The following MED31 variants were observed in gnomAD, a reference collection of about 807,000 sequenced individuals.
The protein encoded by MED31 is mediator complex subunit 31, also known as mediator of RNA polymerase II transcription subunit 31.
MED31 carries 11 observed loss-of-function variants against 22.0 expected under a neutral mutation model. The observed-to-expected ratio is 0.50, with a 90% CI of 0.31 to 0.83. The LOEUF (loss-of-function observed/expected upper bound fraction) is 0.83, where lower values mean the gene tolerates loss of function less well. Ranked by LOEUF, MED31 falls within the 40% of genes least tolerant of loss-of-function variation. MED31 has a pLI of 0.04. For synonymous variants in MED31, 60 were observed against 55.1 expected, an observed-to-expected ratio of 1.09 and a Z score of -0.40; for missense variants, 122 against 155.3, an observed-to-expected ratio of 0.79 and a Z score of 1.14.
rs200042858 is a variant in MED31, at chr17:6,644,642, T to C, written c.221A>G (p.His74Arg). The change falls in exon 4 of 4, where the codon CAC (histidine) becomes CGC (arginine). Residue 74 changes from histidine (H) to arginine (R), a missense_variant. Transcript: ENST00000225728. Reference sequence around the variant, plus strand: ...TTCATATTGGAGCAGCTCTAACATGTGTAAACACTGAGGGTACCTGGGTTT... The same window carrying C: ...TTCATATTGGAGCAGCTCTAACATGCGTAAACACTGAGGGTACCTGGGTTT... ...AKYLKYPQCL[H>R]MLELLQYEHF... is the part of the protein sequence containing the mutation. 6.6e-5 allele frequency: 105 copies of C among 1,587,612 alleles called. No individual in the cohort carries two copies. The highest frequency in any genetic ancestry group is 8.2e-5 in the Non-Finnish European group (96 of 1,169,564).
chr17:6,645,337 A>G (rs919557997), intron 3 of MED31, among the ~76,000 whole-genome samples: 1 of 152,238 alleles, frequency 6.6e-6, no homozygotes, highest in African/African-American at 2.4e-5. Flanking sequence ...GTGTGCATGT[A>G]TACACATACA....
At chr17:6,648,692 G>C (rs1972792110) in intron 3 of MED31, among the ~76,000 whole-genome samples, 1 of 152,246 alleles carries the variant, frequency 6.6e-6, no homozygotes, top group Non-Finnish European at 1.5e-5. Context: ...TTGTCCTCAA[G>C]AGGGTATAGA....
In MED31 at chr17:6,650,532, T is replaced by G. The variant is rs1326346753; in HGVS notation, c.29-99A>C. The G allele has an allele frequency of 4.7e-6, 5 of 1,059,376 alleles. No homozygotes were observed. The African/African-American group carries it at 8.0e-5, about 17-fold the overall frequency. 65.6% of individuals were successfully genotyped at this position (1,059,376 alleles called of 1,614,324 possible). A position where few individuals can be genotyped will look rare whatever the true frequency, so the allele number is the denominator to read the frequency against. ...AGCAATAAAGAAACCTGACTAATGT[T>G]GAGATGGTCTTCCTAAACTAGGAGT... On this transcript the variant is annotated intron_variant, in intron 1 of 3. Coordinates refer to ENST00000225728, the MANE Select transcript of MED31 (RefSeq NM_016060.3).
Position 6,651,504 on chromosome 17 carries a change from T to C in MED31, c.25A>G (p.Thr9Ala). The C allele has an allele frequency of 1.9e-6, 3 of 1,614,062 alleles. No individual in the cohort carries two copies. The highest frequency in any genetic ancestry group is 2.5e-6 in the Non-Finnish European group (3 of 1,180,004). MAAAVAMETDDAGNRLRFQ... is the reference protein window; with the variant it reads MAAAVAMEADDAGNRLRFQ... ...CCAAGATCAGAGAGCTACTCACCTG[T>C]CTCCATAGCGACAGCAGCGGCCATA... Residue 9 changes from threonine (T) to alanine (A), a missense_variant, in exon 1 of 4, where the codon ACA (threonine) becomes GCA (alanine). Coordinates refer to ENST00000225728, the MANE Select transcript of MED31 (RefSeq NM_016060.3).
At position 6,651,327 on chromosome 17, in the gene MED31, T is replaced by C. The variant is rs142725320; in HGVS notation, c.28+174A>G. The C allele has an allele frequency of 1.3e-4, 114 of 904,248 alleles. No homozygotes were observed. The African/African-American group carries it at 1.8e-3, about 14-fold the overall frequency. 56.0% of individuals were successfully genotyped at this position (904,248 alleles called of 1,614,324 possible). On this transcript the variant is annotated intron_variant, in intron 1 of 3. Transcript: ENST00000225728. The stretch of plus-strand genomic sequence containing the variant: ...AGCAAAGATGTGCGAACAAACCAAA[T>C]CAGGAAAACTGCAAAGAGTACCTTA...
At chr17:6,649,948 T>C (rs773369962) in intron 3 of MED31, 34 bp downstream of exon 3, 5 of 1,541,350 alleles carry the variant, frequency 3.2e-6, no homozygotes, top group Admixed American at 4.5e-5. Flanking sequence ...TAATAAAGTA[T>C]ACACATGCTT....
intron 3 of MED31, among the ~76,000 whole-genome samples, chr17:6,647,727 C>G (rs1230536335): frequency 6.6e-6 from 1 of 152,248 alleles, no homozygotes. Context: ...AACTCCCTTT[C>G]ATGACAGCAT....
At chr17:6,650,777 T>C (rs1354974424) in intron 1 of MED31, among the ~76,000 whole-genome samples, 1 of 152,156 alleles carries the variant, frequency 6.6e-6, no homozygotes, top group East Asian at 1.9e-4. Flanking sequence ...TAATGCGTTG[T>C]AACAACTGTT....
chr17:6,647,309 A>G (rs1211110587), intron 3 of MED31, among the ~76,000 whole-genome samples: 1 of 152,150 alleles, frequency 6.6e-6, no homozygotes, highest in African/African-American at 2.4e-5. Context: ...TCATTCTTTC[A>G]TCTCCACCTG....
intron 1 of MED31, 29 bp from the exon 2 acceptor site, chr17:6,650,462 A>C (rs766066805): frequency 5.6e-6 from 9 of 1,600,344 alleles, no homozygotes; most frequent in Non-Finnish European, 7.7e-6. Flanking sequence ...AAAATCATGG[A>C]AAACAAAGGT....
intron 1 of MED31, 25 bp downstream of exon 1, chr17:6,651,476 A>C: frequency 6.2e-7 from 1 of 1,613,948 alleles, no homozygotes. Context: ...ATCTGCGAAG[A>C]CTCCAAGATC....
At chr17:6,651,246 A>C (rs894180548) in intron 1 of MED31, 4 of 463,816 alleles carry the variant, frequency 8.6e-6, no homozygotes, top group Non-Finnish European at 1.5e-5. Context: ...TTTAACACAC[A>C]AGTCCTCTCC....
At chr17:6,645,407 G>A (rs747983619) in intron 3 of MED31, among the ~76,000 whole-genome samples, 2 of 152,152 alleles carry the variant, frequency 1.3e-5, no homozygotes, top group Non-Finnish European at 2.9e-5. Context: ...CAATGACACT[G>A]TGGTACTAAT....
intron 1 of MED31, 155 bp downstream of exon 1, chr17:6,651,346 T>G: frequency 9.9e-7 from 1 of 1,012,492 alleles, no homozygotes; most frequent in East Asian, 2.7e-5. Flanking sequence ...CTGCAAAGAG[T>G]ACCTTAGTCT....
In MED31 at chr17:6,651,543, C is replaced by A; in HGVS notation, c.-15G>T. On this transcript the variant is annotated 5_prime_UTR_variant, in exon 1 of 4. Transcript: ENST00000225728. Reference sequence around the variant, plus strand: ...GCAGCGGCCATAACAAACGAAGACACCAAAACGCCACCAGCCTGACAGAGC... The same window carrying A: ...GCAGCGGCCATAACAAACGAAGACAACAAAACGCCACCAGCCTGACAGAGC... The A allele has an allele frequency of 6.2e-7, 1 of 1,614,076 alleles. No homozygotes were observed. The highest frequency in any genetic ancestry group is 8.5e-7 in the Non-Finnish European group (1 of 1,179,992).
At chr17:6,647,183 T>C (rs990054069) in intron 3 of MED31, among the ~76,000 whole-genome samples, 38 of 152,144 alleles carry the variant, frequency 2.5e-4, no homozygotes, top group African/African-American at 9.2e-4. Flanking sequence ...AAAATAATGA[T>C]CAATAAATAC....
chr17:6,649,395 G>A (rs1972804107), intron 3 of MED31, among the ~76,000 whole-genome samples: 1 of 152,018 alleles, frequency 6.6e-6, no homozygotes, highest in African/African-American at 2.4e-5. Flanking sequence ...GCAAATAAGA[G>A]GCCTTAAATA....
chr17:6,645,686 C>A (rs189295044), intron 3 of MED31, among the ~76,000 whole-genome samples: 1 of 152,116 alleles, frequency 6.6e-6, no homozygotes, highest in Admixed American at 6.5e-5. Flanking sequence ...AAAGTCCACA[C>A]TAAATGGATG....
At chr17:6,651,378 TCTCTC>T in intron 1 of MED31, 118 bp downstream of exon 1, 1 of 1,307,136 alleles carries the variant, frequency 7.7e-7, no homozygotes, top group Non-Finnish European at 1.1e-6. Flanking sequence ...ACAAGAGCCT[TCTCTC>T]CTCTCTGTCC....
Sources: allele counts gnomAD v4.1 joint callset (sites outside exome capture counted in the v4.1 genomes callset), GRCh38; gene constraint gnomAD v4.1.1; transcripts MANE v1.5; gene names NCBI Gene and HGNC (gene_info 2026-07-23, HGNC 2026-07-21).